SOCS4: variants seen among roughly 807,000 people sequenced by gnomAD.
SOCS4 encodes the protein SH2 domain containing SOCS box protein.
A neutral mutation model predicts 34.1 loss-of-function variants in SOCS4; 20 were observed. The ratio of observed to expected loss-of-function variants is 0.59; its 90% CI spans 0.41 to 0.85. The LOEUF is 0.85. Among genes scored for constraint, SOCS4 ranks in the 40% least tolerant of loss-of-function variants. The pLI is 0.00. For synonymous variants in SOCS4, 180 were observed against 186.4 expected, an observed-to-expected ratio of 0.97 and a Z score of 0.28; for missense variants, 479 against 532.4, an observed-to-expected ratio of 0.90 and a Z score of 0.99.
chr14:55,043,776 CA>C lies in SOCS4; in HGVS notation c.738del (p.Lys246AsnfsTer45). The C allele has an allele frequency of 6.2e-7, 1 of 1,614,030 alleles. No individual in the cohort carries two copies. The highest frequency in any genetic ancestry group is 1.1e-5 in the South Asian group (1 of 91,080). The stretch of plus-strand genomic sequence containing the variant: ...TTTGCACAAGTTCCAGAAAAAGAAA[CA>C]AACCCAAATGGGATTTGGATGATGA... ...TLCTSSRKRN[K>X]PKWDLDDEIL... On this transcript the variant is annotated frameshift_variant, in exon 3 of 3. Coordinates refer to ENST00000555846, the MANE Select transcript of SOCS4 (RefSeq NM_199421.2). LOFTEE classifies it high-confidence loss of function.
At chr14:55,042,375 CTG>C (rs1404595239) in intron 2 of SOCS4, among the ~76,000 whole-genome samples, 1 of 152,106 alleles carries the variant, frequency 6.6e-6, no homozygotes, top group East Asian at 1.9e-4. Context: ...GTTTAAAACA[CTG>C]TATTGGGAAT....
intron 2 of SOCS4, among the ~76,000 whole-genome samples, chr14:55,036,805 G>A (rs986551628): frequency 6.6e-6 from 1 of 151,814 alleles, no homozygotes; most frequent in Non-Finnish European, 1.5e-5. Flanking sequence ...GCATACCCAC[G>A]AACTTTTCTA....
At chr14:55,039,145 T>TTG (rs2140246455) in intron 2 of SOCS4, among the ~76,000 whole-genome samples, 1 of 152,290 alleles carries the variant, frequency 6.6e-6, no homozygotes, top group South Asian at 2.1e-4. Context: ...TGAGGGGAAA[T>TTG]TAAGTTACAC....
chr14:55,028,912 G>A (rs1178222162), intron 1 of SOCS4, among the ~76,000 whole-genome samples: 2 of 152,142 alleles, frequency 1.3e-5, no homozygotes, highest in African/African-American at 4.8e-5. Context: ...CATTGTTAGA[G>A]TATATAGGAG....
chr14:55,035,800 T>C (rs928768066), intron 2 of SOCS4, among the ~76,000 whole-genome samples: 1 of 152,072 alleles, frequency 6.6e-6, no homozygotes, highest in Admixed American at 6.6e-5. Context: ...CAAGGTTATA[T>C]GGCTAGCACA....
chr14:55,037,125 A>G (rs2042578955), intron 2 of SOCS4, among the ~76,000 whole-genome samples: 2 of 149,836 alleles, frequency 1.3e-5, no homozygotes, highest in Non-Finnish European at 3.0e-5. Context: ...CTCAATAAAA[A>G]AAAAAATTAT....
Position 55,031,976 on chromosome 14 carries a change from G to C in SOCS4, c.-106G>C, listed in dbSNP as rs1271206502. ...ATCAGAATGCTTTCAAGGAGTTTTT[G>C]GGCACATGATGGCAGGTAAACTTTG... On this transcript the variant is annotated 5_prime_UTR_variant, in exon 2 of 3. Transcript: ENST00000555846. 2.0e-5 allele frequency: 3 copies of C among 152,072 alleles called. No individual in the cohort carries two copies. Among genetic ancestry groups the C allele is most frequent in the African/African-American group, 7.2e-5 (3 of 41,412 alleles). The allele number at this position is 152,072 out of a possible 1,614,324, so 9.4% of individuals were successfully genotyped here.
chr14:55,039,309 G>A (rs940629343), intron 2 of SOCS4, among the ~76,000 whole-genome samples: 26 of 152,024 alleles, frequency 1.7e-4, no homozygotes, highest in African/African-American at 5.6e-4. Flanking sequence ...ATGGTGGCAC[G>A]TGCCTGTATT....
rs1484846709 is a variant in SOCS4, at chr14:55,045,322, A to ATT, written c.*959_*960dup. 2.4e-5 allele frequency: 4 copies of ATT among 167,034 alleles called. No homozygotes were observed. The East Asian group carries it at 7.7e-4, about 32-fold the overall frequency. 10.3% of individuals were successfully genotyped at this position (167,034 alleles called of 1,614,324 possible). ...TTACTTTGGGGAAATTCCACAATGT[A>ATT]TTAGCAGCCACAAATTTCCACTGGT... On this transcript the variant is annotated 3_prime_UTR_variant, in exon 3 of 3. Coordinates refer to ENST00000555846, the MANE Select transcript of SOCS4 (RefSeq NM_199421.2).
intron 2 of SOCS4, among the ~76,000 whole-genome samples, chr14:55,037,957 A>G (rs1027522417): frequency 6.6e-6 from 1 of 152,196 alleles, no homozygotes; most frequent in African/African-American, 2.4e-5. Context: ...CAAAAGTCTT[A>G]TATTAGTCTG....
chr14:55,028,599 G>A (rs2042494624), intron 1 of SOCS4, among the ~76,000 whole-genome samples: 1 of 152,166 alleles, frequency 6.6e-6, no homozygotes, highest in Non-Finnish European at 1.5e-5. Flanking sequence ...AGCATAAGAA[G>A]AATCTGCAAA....
In SOCS4 at chr14:55,029,675, G is replaced by A. The variant is rs1439219035; in HGVS notation, c.-219-2188G>A. Among the ~76,000 whole-genome samples, 4 of 152,146 alleles carry A rather than the reference G, an allele frequency of 2.6e-5. No individual in the cohort carries two copies. The East Asian group carries it at 5.8e-4, about 22-fold the overall frequency. ...ACTTGGTGTAAAAATGATTAATCTTGTGAAAGGTAAGGCTAGAAGAGTGTA... is the reference window on the plus strand; with the variant it reads ...ACTTGGTGTAAAAATGATTAATCTTATGAAAGGTAAGGCTAGAAGAGTGTA... On this transcript the variant is annotated intron_variant, in intron 1 of 2. Coordinates refer to ENST00000555846, the MANE Select transcript of SOCS4 (RefSeq NM_199421.2).
intron 1 of SOCS4, among the ~76,000 whole-genome samples, chr14:55,030,243 T>G (rs868212897): frequency 6.6e-6 from 1 of 152,206 alleles, no homozygotes; most frequent in African/African-American, 2.4e-5. Flanking sequence ...TAAGCATATG[T>G]AATTGTTATA....
intron 2 of SOCS4, among the ~76,000 whole-genome samples, chr14:55,035,698 TGAG>T (rs2042566338): frequency 6.6e-6 from 1 of 152,208 alleles, no homozygotes; most frequent in Admixed American, 6.5e-5. Context: ...ATTTAGGACC[TGAG>T]CTGAATACAT....
Position 55,043,922 on chromosome 14 carries a change from A to T in SOCS4, c.881A>T (p.Tyr294Phe). Residue 294 changes from tyrosine to phenylalanine, a missense_variant, in exon 3 of 3, where the codon TAC becomes TTC. Coordinates refer to ENST00000555846, the MANE Select transcript of SOCS4 (RefSeq NM_199421.2). ...TGTTACTGGGGAGTGATGGATAAAT[A>T]CGCAGCCGAAGCACTACTGGAAGGA... ...NPCYWGVMDK[Y>F]AAEALLEGKP... 1 of 1,614,190 alleles carries T rather than the reference A, an allele frequency of 6.2e-7. No homozygotes were observed. The highest frequency in any genetic ancestry group is 8.5e-7 in the Non-Finnish European group (1 of 1,180,022).
At chr14:55,033,375 TTAAG>T (rs1474913077) in intron 2 of SOCS4, among the ~76,000 whole-genome samples, 1 of 152,200 alleles carries the variant, frequency 6.6e-6, no homozygotes, top group Non-Finnish European at 1.5e-5. Flanking sequence ...TTATATGTGT[TTAAG>T]TATAAAGATA....
In SOCS4 at chr14:55,047,366, C is replaced by T. The variant is rs763696697; in HGVS notation, c.*3002C>T. On this transcript the variant is annotated 3_prime_UTR_variant, in exon 3 of 3. Transcript: ENST00000555846. ...CCACTCCCATTTTTTTCTAAGCCTA[C>T]AGCATCTTGATTCATAGTATAATTC... 6.0e-6 allele frequency: 1 copy of T among 167,088 alleles called. No individual in the cohort carries two copies. 10.4% of individuals were successfully genotyped at this position (167,088 alleles called of 1,614,324 possible).
rs371034830 is a variant in SOCS4 at position 55,045,876 on chromosome 14, T to C, written c.*1512T>C. 1.2e-5 allele frequency: 2 copies of C among 167,084 alleles called. No individual in the cohort carries two copies. The highest frequency in any genetic ancestry group is 3.8e-4 in the East Asian group (2 of 5,196). The allele number at this position is 167,084 out of a possible 1,614,324, so 10.4% of individuals were successfully genotyped here. A position where few individuals can be genotyped will look rare whatever the true frequency, so the allele number is the denominator to read the frequency against. On this transcript the variant is annotated 3_prime_UTR_variant, in exon 3 of 3. Transcript: ENST00000555846. ...ATAAACTTCCAAGTTAGAACAAATA[T>C]TTCTTCATTATTGTTGCTTTTATGT...
At chr14:55,034,730 G>A (rs2042557098) in intron 2 of SOCS4, among the ~76,000 whole-genome samples, 1 of 151,872 alleles carries the variant, frequency 6.6e-6, no homozygotes, top group South Asian at 2.1e-4. Context: ...CAGCTACTTG[G>A]GAGGCTGAGG....
Sources: allele counts gnomAD v4.1 joint callset (sites outside exome capture counted in the v4.1 genomes callset), GRCh38; gene constraint gnomAD v4.1.1; transcripts MANE v1.5; gene names NCBI Gene and HGNC (gene_info 2026-07-23, HGNC 2026-07-21).